UBAC2: variants seen among roughly 807,000 people sequenced by gnomAD.
UBAC2 encodes UBA domain containing 2.
Under a neutral mutation model 44.0 loss-of-function variants are expected in UBAC2, and 26 were observed. That is an observed-to-expected ratio of 0.59 (90% CI 0.43 to 0.82). The LOEUF (loss-of-function observed/expected upper bound fraction) is 0.82, where lower values mean the gene tolerates loss of function less well. Among genes scored for constraint, UBAC2 ranks in the 40% least tolerant of loss-of-function variants. UBAC2 has a pLI of 0.00. For synonymous variants in UBAC2, 155 were observed against 154.3 expected, an observed-to-expected ratio of 1.00 and a Z score of -0.04; for missense variants, 329 against 419.4, an observed-to-expected ratio of 0.78 and a Z score of 1.88.
chr13:99,224,027 G>A (rs9513584), intron 1 of UBAC2, among the ~76,000 whole-genome samples: 86,688 of 152,022 alleles, frequency 0.57, 26,607 homozygotes, highest in Non-Finnish European at 0.71. Context: ...CAGGTCTTGT[G>A]TATCCTTACT....
intron 8 of UBAC2, among the ~76,000 whole-genome samples, chr13:99,369,373 C>T (rs994027084): frequency 1.3e-5 from 2 of 152,166 alleles, no homozygotes; most frequent in Non-Finnish European, 2.9e-5. Flanking sequence ...GCCAGCGATA[C>T]GTGGTACGAG....
At chr13:99,349,916 G>A (rs2045055366) in intron 7 of UBAC2, among the ~76,000 whole-genome samples, 1 of 152,032 alleles carries the variant, frequency 6.6e-6, no homozygotes, top group Non-Finnish European at 1.5e-5. Context: ...CTCCTCCAAT[G>A]AAAGGAGACT....
chr13:99,221,052 T>C (rs2142685410), intron 1 of UBAC2, among the ~76,000 whole-genome samples: 1 of 152,360 alleles, frequency 6.6e-6, no homozygotes, highest in South Asian at 2.1e-4. Flanking sequence ...AAAATATTTT[T>C]CTACAACCTA....
rs1487373510 is a variant in UBAC2, at chr13:99,295,088, A to G, written c.390-19009A>G. 8 of 1,613,952 alleles carry G rather than the reference A, an allele frequency of 5.0e-6. No homozygotes were observed. The highest frequency in any genetic ancestry group is 6.8e-6 in the Non-Finnish European group (8 of 1,179,964). On this transcript the variant is annotated intron_variant, in intron 4 of 8. Transcript: ENST00000403766. The surrounding 1 kb of genome is among the most constrained non-coding windows in gnomAD (Gnocchi z 4.1). ...CTTTCCATTTGAAGACTTGGAATGTATCATCATCTGCGTTTCTGTCATTTC... is the reference window on the plus strand; with the variant it reads ...CTTTCCATTTGAAGACTTGGAATGTGTCATCATCTGCGTTTCTGTCATTTC...
chr13:99,383,912 T>C (rs1384798094), intron 8 of UBAC2, among the ~76,000 whole-genome samples: 2 of 152,260 alleles, frequency 1.3e-5, no homozygotes, highest in East Asian at 3.8e-4. Flanking sequence ...CTCTACTCTC[T>C]GCACCTTCTT....
At chr13:99,344,314 G>T (rs1229571036) in intron 7 of UBAC2, among the ~76,000 whole-genome samples, 1 of 152,182 alleles carries the variant, frequency 6.6e-6, no homozygotes, top group East Asian at 1.9e-4. Flanking sequence ...CTCCCAATAT[G>T]AGAGCTCCTT....
chr13:99,291,000 G>C lies in UBAC2; in HGVS notation c.390-23097G>C, dbSNP rs545185422. ...GGGAGGAATGGAGCTCAGGCTACAG[G>C]GTGGAACCTCTTACTAACCAAGTTT... On this transcript the variant is annotated intron_variant, in intron 4 of 8. Coordinates refer to ENST00000403766, the MANE Select transcript of UBAC2 (RefSeq NM_001144072.2). Among the ~76,000 whole-genome samples, 4 of 152,244 alleles carry C rather than the reference G, an allele frequency of 2.6e-5. No individual in the cohort carries two copies. In the East Asian group the frequency reaches 7.7e-4, roughly 29 times the overall value.
At chr13:99,222,524 G>C (rs770790643) in intron 1 of UBAC2, among the ~76,000 whole-genome samples, 2 of 152,218 alleles carry the variant, frequency 1.3e-5, no homozygotes, top group Non-Finnish European at 2.9e-5. Flanking sequence ...TTAGATCAAA[G>C]GGGTAGCCCA....
chr13:99,295,071 T>G lies in UBAC2; in HGVS notation c.390-19026T>G, dbSNP rs769474011. 4 of 1,613,112 alleles carry G rather than the reference T, an allele frequency of 2.5e-6. No individual in the cohort carries two copies. The South Asian group carries it at 3.3e-5, about 13-fold the overall frequency. On this transcript the variant is annotated intron_variant, in intron 4 of 8. Coordinates refer to ENST00000403766, the MANE Select transcript of UBAC2 (RefSeq NM_001144072.2). The surrounding 1 kb of genome is among the most constrained non-coding windows in gnomAD (Gnocchi z 4.1). ...AAATACAATCCATTTCACTTTCCATTTGAAGACTTGGAATGTATCATCATC... is the reference window on the plus strand; with the variant it reads ...AAATACAATCCATTTCACTTTCCATGTGAAGACTTGGAATGTATCATCATC...
chr13:99,322,681 AAAC>A (rs1297831359), intron 6 of UBAC2, among the ~76,000 whole-genome samples: 1 of 152,194 alleles, frequency 6.6e-6, no homozygotes, highest in Non-Finnish European at 1.5e-5. Flanking sequence ...TGTGGAAAAA[AAAC>A]AATCTGTTAC....
intron 1 of UBAC2, among the ~76,000 whole-genome samples, chr13:99,207,587 A>G (rs1293098957): frequency 1.3e-5 from 2 of 152,122 alleles, no homozygotes; most frequent in Non-Finnish European, 2.9e-5. Context: ...GTCCCGCTAT[A>G]CCATTGAGCT....
chr13:99,312,574 G>A (rs561742023), intron 4 of UBAC2, among the ~76,000 whole-genome samples: 29 of 152,266 alleles, frequency 1.9e-4, no homozygotes, highest in East Asian at 9.6e-4. Flanking sequence ...TCCTTGGCAC[G>A]CATTTGATTC....
At chr13:99,240,390 G>T (rs997882326) in intron 2 of UBAC2, among the ~76,000 whole-genome samples, 1 of 152,152 alleles carries the variant, frequency 6.6e-6, no homozygotes, top group Non-Finnish European at 1.5e-5. Flanking sequence ...CTGAAAAAAT[G>T]GGGTTCTAGA....
intron 7 of UBAC2, among the ~76,000 whole-genome samples, chr13:99,366,069 A>T (rs1370036562): frequency 1.3e-5 from 2 of 152,114 alleles, no homozygotes; most frequent in Non-Finnish European, 2.9e-5. Context: ...CTTTACATCA[A>T]CTTGTGTACG....
intron 1 of UBAC2, among the ~76,000 whole-genome samples, chr13:99,238,026 A>C (rs1319224543): frequency 1.3e-5 from 2 of 152,270 alleles, no homozygotes; most frequent in Non-Finnish European, 1.5e-5. Context: ...GTATCAATTA[A>C]AAAATGAAAT....
chr13:99,324,316 A>T (rs766534830), intron 6 of UBAC2, among the ~76,000 whole-genome samples: 1 of 152,160 alleles, frequency 6.6e-6, no homozygotes, highest in African/African-American at 2.4e-5. Flanking sequence ...TACACTAGCC[A>T]CTAAAATATG....
At chr13:99,266,072 T>G (rs1216003471) in intron 4 of UBAC2, among the ~76,000 whole-genome samples, 1 of 152,160 alleles carries the variant, frequency 6.6e-6, no homozygotes, top group Non-Finnish European at 1.5e-5. Context: ...CTACAGATGA[T>G]TAGTGGGTCT....
rs2043011733 is a variant in UBAC2, at chr13:99,217,604, G to A, written c.31+16665G>A. On this transcript the variant is annotated intron_variant, in intron 1 of 8. Coordinates refer to ENST00000403766, the MANE Select transcript of UBAC2 (RefSeq NM_001144072.2). ...CCCGGCTTGGGGCCAGCTGTTACCCGCGCTCGCCCTGGCATGCAGCCCTCT... is the reference window on the plus strand; with the variant it reads ...CCCGGCTTGGGGCCAGCTGTTACCCACGCTCGCCCTGGCATGCAGCCCTCT... 3.3e-5 allele frequency among the ~76,000 whole-genome samples: 5 copies of A among 152,190 alleles called. No homozygotes were observed. In the South Asian group the frequency reaches 8.3e-4, roughly 25 times the overall value.
intron 4 of UBAC2, among the ~76,000 whole-genome samples, chr13:99,296,452 G>A (rs1441245635): frequency 2.0e-5 from 3 of 152,298 alleles, no homozygotes; most frequent in South Asian, 4.1e-4. Context: ...TAGGGCAAAC[G>A]CACTTTTGTG....
Sources: gnomAD v4.1 joint callset for allele counts (sites outside exome capture counted in the v4.1 genomes callset) on GRCh38, gnomAD v4.1.1 for gene constraint, Gnocchi (gnomAD v3.1) non-coding constraint, MANE v1.5 for transcripts, NCBI Gene and HGNC (gene_info 2026-07-23, HGNC 2026-07-21) for gene names.